The following PTPRD variants were observed in gnomAD, a reference collection of about 807,000 sequenced individuals.
PTPRD encodes the protein receptor-type tyrosine-protein phosphatase delta.
In PTPRD, 34 loss-of-function variants were observed where a neutral mutation model predicts 214.5. The ratio of observed to expected loss-of-function variants is 0.16; its 90% CI spans 0.12 to 0.21. PTPRD has a LOEUF of 0.21. Ranked by LOEUF, PTPRD falls within the 10% of genes least tolerant of loss-of-function variation. The pLI is 1.00. For missense variants in PTPRD, 2,545 were observed against 2,398.7 expected, an observed-to-expected ratio of 1.06 and a Z score of -1.27; for synonymous variants, 1,128 against 845.7, an observed-to-expected ratio of 1.33 and a Z score of -5.79.
intron 11 of PTPRD, among the ~76,000 whole-genome samples, chr9:8,980,088 T>A (rs1407511215): frequency 6.6e-6 from 1 of 152,102 alleles, no homozygotes; most frequent in Non-Finnish European, 1.5e-5. Context: ...ATAACTTGGA[T>A]GGACCTAAAG....
chr9:9,711,462 A>G (rs1176010504), intron 7 of PTPRD, among the ~76,000 whole-genome samples: 1 of 152,214 alleles, frequency 6.6e-6, no homozygotes, highest in Non-Finnish European at 1.5e-5. Flanking sequence ...CAACAATAAC[A>G]AAAACAGGCT....
In PTPRD at chr9:9,782,625, G is replaced by A. The variant is rs117872817; in HGVS notation, c.-367-15774C>T. Reference sequence around the variant, plus strand: ...CCTTTGACTTAACCATGCTGTTCCTGGGGAAAAATTATTGCAATGAGTATA... The same window carrying A: ...CCTTTGACTTAACCATGCTGTTCCTAGGGAAAAATTATTGCAATGAGTATA... On this transcript the variant is annotated intron_variant, in intron 5 of 45. Transcript: ENST00000381196. 4.5e-4 allele frequency among the ~76,000 whole-genome samples: 69 copies of A among 152,222 alleles called. No individual in the cohort carries two copies. The East Asian group carries it at 5.4e-3, about 12-fold the overall frequency.
chr9:9,377,086 TA>T (rs1162461617), intron 9 of PTPRD, among the ~76,000 whole-genome samples: 10 of 152,078 alleles, frequency 6.6e-5, no homozygotes, highest in African/African-American at 1.4e-4. Context: ...TGGCAACATA[TA>T]TTTTTTTTTA....
chr9:10,160,181 G>A (rs957438796), intron 3 of PTPRD, among the ~76,000 whole-genome samples: 2 of 151,944 alleles, frequency 1.3e-5, no homozygotes, highest in African/African-American at 4.8e-5. Context: ...AAAAAGAGGA[G>A]GAGCAGCTCT....
chr9:8,939,323 C>G (rs571025086), intron 11 of PTPRD, among the ~76,000 whole-genome samples: 1 of 152,214 alleles, frequency 6.6e-6, no homozygotes, highest in Non-Finnish European at 1.5e-5. Flanking sequence ...TTTTTAAAGA[C>G]TCTGGAATCA....
At chr9:8,591,538 C>T (rs1465357213) in intron 14 of PTPRD, among the ~76,000 whole-genome samples, 1 of 152,048 alleles carries the variant, frequency 6.6e-6, no homozygotes, top group East Asian at 1.9e-4. Flanking sequence ...CAAAATCAAA[C>T]AGAATAATTT....
At chr9:10,423,363 G>C (rs1299090351) in intron 2 of PTPRD, among the ~76,000 whole-genome samples, 1 of 151,904 alleles carries the variant, frequency 6.6e-6, no homozygotes, top group African/African-American at 2.4e-5. Flanking sequence ...TAAACGACAG[G>C]TTAATGTGTG....
chr9:9,977,109 C>T (rs1043996602), intron 4 of PTPRD, among the ~76,000 whole-genome samples: 11 of 152,068 alleles, frequency 7.2e-5, no homozygotes, highest in African/African-American at 2.7e-4. Flanking sequence ...AATTTAAGAG[C>T]ATTATGTTAA....
chr9:8,516,507 C>T (rs1563993453), intron 21 of PTPRD, among the ~76,000 whole-genome samples: 1 of 152,056 alleles, frequency 6.6e-6, no homozygotes, highest in African/African-American at 2.4e-5. Context: ...GTTAAACATA[C>T]TTCATATAAA....
At chr9:9,072,280 TACACACAC>T (rs201508445) in intron 10 of PTPRD, among the ~76,000 whole-genome samples, 330 of 135,716 alleles carry the variant, frequency 2.4e-3, no homozygotes, top group East Asian at 7.9e-3. Context: ...GCTGGCAACT[TACACACAC>T]ACACACACAC....
At chr9:10,392,478 C>A (rs998173086) in intron 2 of PTPRD, among the ~76,000 whole-genome samples, 1 of 151,872 alleles carries the variant, frequency 6.6e-6, no homozygotes, top group Non-Finnish European at 1.5e-5. Context: ...AGTTATGTAA[C>A]ATCATTCCTT....
At chr9:8,318,241 TACC>T (rs947826511) in intron 45 of PTPRD, among the ~76,000 whole-genome samples, 34 of 152,122 alleles carry the variant, frequency 2.2e-4, no homozygotes, top group African/African-American at 7.5e-4. Flanking sequence ...ATCAAACCAT[TACC>T]ACCAATTGAA....
intron 11 of PTPRD, among the ~76,000 whole-genome samples, chr9:8,974,013 T>C (rs1282086290): frequency 6.6e-6 from 1 of 152,160 alleles, no homozygotes; most frequent in Non-Finnish European, 1.5e-5. Flanking sequence ...GGTGGTCTGC[T>C]TACTCTGTCC....
intron 44 of PTPRD, among the ~76,000 whole-genome samples, chr9:8,324,564 T>A (rs973338585): frequency 6.6e-6 from 1 of 152,188 alleles, no homozygotes; most frequent in Non-Finnish European, 1.5e-5. Context: ...TAAACATATG[T>A]GTGCATGTGT....
chr9:8,819,576 A>T (rs1404645829), intron 11 of PTPRD, among the ~76,000 whole-genome samples: 1 of 152,042 alleles, frequency 6.6e-6, no homozygotes, highest in African/African-American at 2.4e-5. Context: ...CAAGAGAATC[A>T]CTTGAACCTT....
rs577268469 is a variant in PTPRD, at chr9:9,490,001, G to A, written c.-237+84731C>T. 2.6e-4 allele frequency among the ~76,000 whole-genome samples: 40 copies of A among 152,106 alleles called. No homozygotes were observed. The East Asian group carries it at 7.5e-3, about 29-fold the overall frequency. ...CAGAAACAAAGAGAAAATCTTAAAA[G>A]GAGCAAGAGAAAAGCAACTTGCCAC... On this transcript the variant is annotated intron_variant, in intron 8 of 45. Coordinates refer to ENST00000381196, the MANE Select transcript of PTPRD (RefSeq NM_002839.4).
intron 3 of PTPRD, among the ~76,000 whole-genome samples, chr9:10,336,799 C>T (rs758322229): frequency 6.6e-6 from 1 of 151,568 alleles, no homozygotes; most frequent in African/African-American, 2.4e-5. Flanking sequence ...GGTATTAGAC[C>T]AGTAATGAAA....
chr9:9,669,987 CT>C, intron 7 of PTPRD, among the ~76,000 whole-genome samples: 1 of 152,120 alleles, frequency 6.6e-6, no homozygotes, highest in East Asian at 1.9e-4. Context: ...TTTTAGCTTC[CT>C]TTTTTAGCAT....
intron 5 of PTPRD, among the ~76,000 whole-genome samples, chr9:9,839,523 C>A (rs919537581): frequency 6.6e-6 from 1 of 152,030 alleles, no homozygotes; most frequent in Non-Finnish European, 1.5e-5. Flanking sequence ...TCAAGGAGAA[C>A]TACAAACCAC....
Sources: gnomAD v4.1 joint callset for allele counts (sites outside exome capture counted in the v4.1 genomes callset) on GRCh38, gnomAD v4.1.1 for gene constraint, MANE v1.5 for transcripts, NCBI Gene and HGNC (gene_info 2026-07-23, HGNC 2026-07-21) for gene names.